The following SPEN variants were observed in gnomAD, a reference collection of about 807,000 sequenced individuals.
The protein encoded by SPEN is spen family transcriptional repressor.
Under a neutral mutation model 269.9 loss-of-function variants are expected in SPEN, and 18 were observed. The ratio of observed to expected loss-of-function variants is 0.07; its 90% CI spans 0.05 to 0.10. SPEN has a LOEUF of 0.10. Ranked by LOEUF, SPEN falls within the 10% of genes least tolerant of loss-of-function variation. SPEN has a pLI of 1.00. For synonymous variants in SPEN, 1,726 were observed against 1,765.7 expected, an observed-to-expected ratio of 0.98 and a Z score of 0.56; for missense variants, 3,822 against 4,631.2, an observed-to-expected ratio of 0.83 and a Z score of 5.07.
Position 15,939,570 on chromosome 1 carries a change from C to G in SPEN, c.*143C>G, listed in dbSNP as rs1459932229. On this transcript the variant is annotated 3_prime_UTR_variant, in exon 15 of 15. Coordinates refer to ENST00000375759, the MANE Select transcript of SPEN (RefSeq NM_015001.3). This position sits in a 1 kb window ranked among gnomAD's most constrained non-coding sequence, Gnocchi z 4.1. ...GCCAGCCGTTTGCTGTCCTGCCGCC[C>G]GGCTCAGTCGGCCAGACTTCCTCTA... The G allele has an allele frequency of 3.0e-6, 3 of 998,708 alleles. No homozygotes were observed. The highest frequency in any genetic ancestry group is 4.2e-6 in the Non-Finnish European group (3 of 711,942). 61.9% of individuals were successfully genotyped at this position (998,708 alleles called of 1,614,324 possible). A position where few individuals can be genotyped will look rare whatever the true frequency, so the allele number is the denominator to read the frequency against.
chr1:15,887,720 TAA>T (rs572826937), intron 3 of SPEN, among the ~76,000 whole-genome samples: 1 of 139,212 alleles, frequency 7.2e-6, no homozygotes, highest in East Asian at 2.1e-4. Context: ...CCTCATCTCT[TAA>T]AAAAAAAAAA....
At chr1:15,926,456 A>G (rs1226997763) in intron 10 of SPEN, among the ~76,000 whole-genome samples, 1 of 152,060 alleles carries the variant, frequency 6.6e-6, no homozygotes, top group South Asian at 2.1e-4. Context: ...ATAAATATGT[A>G]TATTTATAAA....
At chr1:15,926,235 A>G (rs1301260520) in intron 10 of SPEN, among the ~76,000 whole-genome samples, 1 of 152,008 alleles carries the variant, frequency 6.6e-6, no homozygotes, top group African/African-American at 2.4e-5. Flanking sequence ...TCTCTACTAA[A>G]AATACAAAAA....
At chr1:15,864,760 C>A (rs2070485434) in intron 1 of SPEN, among the ~76,000 whole-genome samples, 1 of 151,380 alleles carries the variant, frequency 6.6e-6, no homozygotes, top group South Asian at 2.1e-4. Context: ...CCCGTCTCAG[C>A]CTACCGAGTA....
chr1:15,895,907 C>T (rs867724217), intron 3 of SPEN, among the ~76,000 whole-genome samples: 19 of 152,076 alleles, frequency 1.2e-4, no homozygotes, highest in Middle Eastern at 3.4e-3. Flanking sequence ...TAGTCTTGAA[C>T]TCCTGACCTC....
intron 5 of SPEN, 118 bp downstream of exon 5, chr1:15,911,419 C>T (rs887997267): frequency 5.4e-6 from 4 of 740,970 alleles, no homozygotes; most frequent in African/African-American, 5.4e-5. Flanking sequence ...TATTTATTGA[C>T]ATATTTCCAT....
chr1:15,889,654 GT>G (rs1438362055), intron 3 of SPEN, among the ~76,000 whole-genome samples: 1 of 152,076 alleles, frequency 6.6e-6, no homozygotes, highest in Non-Finnish European at 1.5e-5. Flanking sequence ...TATTCATTAA[GT>G]TATATGCTAC....
At chr1:15,923,254 A>G (rs1453307198) in intron 10 of SPEN, among the ~76,000 whole-genome samples, 1 of 152,216 alleles carries the variant, frequency 6.6e-6, no homozygotes, top group Non-Finnish European at 1.5e-5. Flanking sequence ...GTTATGTAGT[A>G]TTTAATATTT....
intron 1 of SPEN, among the ~76,000 whole-genome samples, chr1:15,863,291 T>A (rs1299975270): frequency 1.3e-5 from 2 of 151,968 alleles, no homozygotes; most frequent in Non-Finnish European, 2.9e-5. Flanking sequence ...CAGACACATA[T>A]AATTTTTTTC....
At chr1:15,918,067 C>A (rs969346351) in intron 6 of SPEN, among the ~76,000 whole-genome samples, 5 of 152,220 alleles carry the variant, frequency 3.3e-5, no homozygotes, top group African/African-American at 1.2e-4. Context: ...AGTTCTACTG[C>A]CTACCTAGAT....
chr1:15,882,806 G>A (rs2070700000), intron 3 of SPEN, among the ~76,000 whole-genome samples: 1 of 152,224 alleles, frequency 6.6e-6, no homozygotes, highest in Admixed American at 6.5e-5. Flanking sequence ...GGCAGGTGTT[G>A]GGTAATGCTC....
Position 15,934,429 on chromosome 1 carries a change from G to A in SPEN, c.8189G>A (p.Ser2730Asn), listed in dbSNP as rs2071253903. The A allele has an allele frequency of 8.7e-6, 14 of 1,613,816 alleles. No individual in the cohort carries two copies. The highest frequency in any genetic ancestry group is 1.1e-5 in the Non-Finnish European group (13 of 1,180,036). The part of the protein sequence containing the change: ...AAPGTVNAAA[S>N]AVNATASAVT... The stretch of plus-strand genomic sequence containing the variant: ...CCAGGCACAGTCAATGCCGCTGCGA[G>A]TGCAGTGAATGCCACAGCAAGTGCA... The change falls in exon 11 of 15, where the codon AGT (serine) becomes AAT (asparagine). Residue 2730 changes from serine to asparagine, a missense_variant. Around this residue, in one of 16 missense-constraint regions of SPEN, gnomAD observed 329 missense variants for 431.2 expected, o/e 0.76. Coordinates refer to ENST00000375759, the MANE Select transcript of SPEN (RefSeq NM_015001.3). This position sits in a 1 kb window ranked among gnomAD's most constrained non-coding sequence, Gnocchi z 9.2.
chr1:15,883,416 G>A (rs1056279571), intron 3 of SPEN, among the ~76,000 whole-genome samples: 1 of 152,084 alleles, frequency 6.6e-6, no homozygotes, highest in African/African-American at 2.4e-5. Flanking sequence ...GCATTAGAAC[G>A]ATGTACTTTT....
At chr1:15,923,461 GA>G (rs1162528990) in intron 10 of SPEN, among the ~76,000 whole-genome samples, 2 of 152,110 alleles carry the variant, frequency 1.3e-5, no homozygotes, top group African/African-American at 4.8e-5. Context: ...AGGTTTGTGT[GA>G]AAAACGCCTT....
chr1:15,855,351 T>C (rs1557732599), intron 1 of SPEN, among the ~76,000 whole-genome samples: 2 of 152,338 alleles, frequency 1.3e-5, no homozygotes, highest in East Asian at 1.9e-4. Context: ...CTTTTACATA[T>C]AATACATTTA....
rs1021337032 is a variant in SPEN at position 15,937,079 on chromosome 1, G to A, written c.10027-84G>A. ...AGATGCCACATCTTATCCTTTCCCT[G>A]TGGCCCTTTGGGTCATTTGTTGGTC... On this transcript the variant is annotated intron_variant, in intron 11 of 14. Coordinates refer to ENST00000375759, the MANE Select transcript of SPEN (RefSeq NM_015001.3). This position sits in a 1 kb window ranked among gnomAD's most constrained non-coding sequence, Gnocchi z 5.7. 4 of 1,529,034 alleles carry A rather than the reference G, an allele frequency of 2.6e-6. No individual in the cohort carries two copies. Among genetic ancestry groups the A allele is most frequent in the African/African-American group, 2.8e-5 (2 of 72,656 alleles). 94.7% of individuals were successfully genotyped at this position (1,529,034 alleles called of 1,614,324 possible).
In SPEN at chr1:15,933,902, C is replaced by T. The variant is rs753429774; in HGVS notation, c.7662C>T (p.Val2554=). The stretch of plus-strand genomic sequence containing the variant: ...CCACAAGTGTCACTTCCACAAGTGT[C>T]ACCACAGCCATTGCAGAGCCTGTCA... ...VSATSVTSTS[V]TTAIAEPVSA... is the part of the protein sequence containing the mutation. Residue 2554 remains valine (V), a synonymous_variant, in exon 11 of 15, where the codon GTC becomes GTT. Coordinates refer to ENST00000375759, the MANE Select transcript of SPEN (RefSeq NM_015001.3). The surrounding 1 kb of genome is among the most constrained non-coding windows in gnomAD (Gnocchi z 5.7). The T allele has an allele frequency of 1.1e-5, 18 of 1,613,900 alleles. No individual in the cohort carries two copies. The highest frequency in any genetic ancestry group is 1.4e-5 in the Non-Finnish European group (16 of 1,180,032).
At position 15,933,272 on chromosome 1, in the gene SPEN, A is replaced by C. The variant is rs760200542; in HGVS notation, c.7032A>C (p.Thr2344=). The C allele has an allele frequency of 2.8e-5, 45 of 1,614,036 alleles. No homozygotes were observed. In the Admixed American group the frequency reaches 7.0e-4, roughly 25 times the overall value. ...KTTRSRRKRN[T]NKKVVAPVES... Reference sequence around the variant, plus strand: ...CCCGATCACGCCGCAAGCGAAACACAAACAAGAAAGTGGTGGCTCCTGTAG... The same window carrying C: ...CCCGATCACGCCGCAAGCGAAACACCAACAAGAAAGTGGTGGCTCCTGTAG... Residue 2344 remains threonine (T), a synonymous_variant, in exon 11 of 15, where the codon ACA becomes ACC. Coordinates refer to ENST00000375759, the MANE Select transcript of SPEN (RefSeq NM_015001.3). The surrounding 1 kb of genome is among the most constrained non-coding windows in gnomAD (Gnocchi z 5.7).
chr1:15,930,332 C>T lies in SPEN; in HGVS notation c.4092C>T (p.Ser1364=). Residue 1364 remains serine (S), a synonymous_variant, in exon 11 of 15, where the codon AGC becomes AGT. Transcript: ENST00000375759. The surrounding 1 kb of genome is among the most constrained non-coding windows in gnomAD (Gnocchi z 5.3). The part of the protein sequence containing the change: ...SFPNSIIKRD[S]LRKRSVRDLE... The stretch of plus-strand genomic sequence containing the variant: ...CAAACAGCATAATTAAGAGAGATAG[C>T]CTTCGAAAAAGGTCTGTACGAGATC... The T allele has an allele frequency of 6.2e-7, 1 of 1,613,732 alleles. No individual in the cohort carries two copies. The highest frequency in any genetic ancestry group is 2.2e-5 in the East Asian group (1 of 44,874).
Sources: allele counts gnomAD v4.1 joint callset (sites outside exome capture counted in the v4.1 genomes callset), GRCh38; gene constraint gnomAD v4.1.1; regional missense constraint gnomAD v4.1.1; non-coding constraint Gnocchi (gnomAD v3.1); transcripts MANE v1.5; gene names NCBI Gene and HGNC (gene_info 2026-07-23, HGNC 2026-07-21).